CHCHD3: variants seen among roughly 807,000 people sequenced by gnomAD.
CHCHD3 encodes the protein coiled-coil-helix-coiled-coil-helix domain containing 3, also known as MICOS complex subunit MIC19.
In CHCHD3, 20 loss-of-function variants were observed where a neutral mutation model predicts 38.2. The ratio of observed to expected loss-of-function variants is 0.52; its 90% confidence interval spans 0.37 to 0.76. The LOEUF is 0.76. Among genes scored for constraint, CHCHD3 ranks in the 30% least tolerant of loss-of-function variants. CHCHD3 has a pLI of 0.00. For synonymous variants in CHCHD3, 82 were observed against 100.0 expected (o/e 0.82, Z 1.07); for missense variants, 245 against 279.2 (o/e 0.88, Z 0.87).
intron 2 of CHCHD3, among the ~76,000 whole-genome samples, chr7:133,061,082 T>C (rs1399729718): frequency 2.0e-5 from 3 of 151,784 alleles, no homozygotes; most frequent in Non-Finnish European, 4.4e-5. Flanking sequence ...GAGCAGGAGA[T>C]GGATTGTACA....
intron 4 of CHCHD3, among the ~76,000 whole-genome samples, chr7:132,932,335 A>G (rs1298058407): frequency 1.3e-5 from 2 of 152,260 alleles, no homozygotes; most frequent in Non-Finnish European, 2.9e-5. Context: ...AAAGAGCCTC[A>G]TGTAATGTGA....
intron 7 of CHCHD3, among the ~76,000 whole-genome samples, chr7:132,789,017 C>T (rs554059681): frequency 7.7e-4 from 118 of 152,272 alleles, no homozygotes; most frequent in Middle Eastern, 3.4e-3. Flanking sequence ...TCCAGCTATG[C>T]GACAAAACCT....
At chr7:132,893,302 C>T (rs1297808829) in intron 4 of CHCHD3, among the ~76,000 whole-genome samples, 2 of 152,158 alleles carry the variant, frequency 1.3e-5, no homozygotes, top group East Asian at 1.9e-4. Flanking sequence ...TTCAGACTTG[C>T]GTGGGGCCTG....
intron 7 of CHCHD3, among the ~76,000 whole-genome samples, chr7:132,792,204 C>T (rs1381597676): frequency 6.6e-6 from 1 of 152,160 alleles, no homozygotes; most frequent in Admixed American, 6.5e-5. Flanking sequence ...AGTCACACTT[C>T]CCATGGTACT....
At chr7:133,057,432 C>T (rs1392845452) in intron 2 of CHCHD3, among the ~76,000 whole-genome samples, 1 of 151,942 alleles carries the variant, frequency 6.6e-6, no homozygotes, top group East Asian at 1.9e-4. Context: ...GTGGGGGCAC[C>T]TGCCTGTAGT....
intron 7 of CHCHD3, 111 bp downstream of exon 7, chr7:132,796,331 G>T (rs917364082): frequency 6.8e-6 from 8 of 1,184,398 alleles, no homozygotes; most frequent in Non-Finnish European, 9.6e-6. Flanking sequence ...TGATGACTAG[G>T]GCTTAGAAAG....
chr7:133,033,749 C>T (rs1195226834), intron 2 of CHCHD3, among the ~76,000 whole-genome samples: 1 of 152,144 alleles, frequency 6.6e-6, no homozygotes, highest in Admixed American at 6.5e-5. Context: ...TAGCTCCATA[C>T]TCACCAAAAC....
intron 5 of CHCHD3, among the ~76,000 whole-genome samples, chr7:132,840,429 G>A (rs770929286): frequency 6.6e-6 from 1 of 152,136 alleles, no homozygotes; most frequent in Admixed American, 6.5e-5. Flanking sequence ...TAATACTTTT[G>A]CTTAGTTTAA....
intron 4 of CHCHD3, among the ~76,000 whole-genome samples, chr7:132,929,670 G>T (rs75176829): frequency 0.024 from 3,695 of 152,012 alleles, 76 homozygotes; most frequent in Non-Finnish European, 0.033. Flanking sequence ...ATCTAAAGCT[G>T]TCAATATCTT....
intron 4 of CHCHD3, among the ~76,000 whole-genome samples, chr7:132,909,082 ACTTTTC>A (rs1382839267): frequency 6.6e-6 from 1 of 151,976 alleles, no homozygotes; most frequent in Non-Finnish European, 1.5e-5. Context: ...TTTGTTTGGC[ACTTTTC>A]CTTCCTGCCA....
chr7:133,073,508 C>G (rs1458193770), intron 1 of CHCHD3, among the ~76,000 whole-genome samples: 1 of 152,176 alleles, frequency 6.6e-6, no homozygotes, highest in Non-Finnish European at 1.5e-5. Flanking sequence ...CAAAATTGAT[C>G]TCACGTTTGC....
At chr7:132,879,649 A>G (rs1808999566) in intron 5 of CHCHD3, among the ~76,000 whole-genome samples, 1 of 143,994 alleles carries the variant, frequency 6.9e-6, no homozygotes, top group African/African-American at 2.6e-5. Flanking sequence ...AAAAATACAC[A>G]TTTTCCTGAA....
chr7:133,037,060 G>T (rs1813700330), intron 2 of CHCHD3, among the ~76,000 whole-genome samples: 1 of 152,144 alleles, frequency 6.6e-6, no homozygotes, highest in African/African-American at 2.4e-5. Flanking sequence ...AAATGAATTT[G>T]ATCTGAGAGT....
At chr7:132,880,796 A>G (rs1585599536) in intron 5 of CHCHD3, among the ~76,000 whole-genome samples, 1 of 152,254 alleles carries the variant, frequency 6.6e-6, no homozygotes, top group East Asian at 1.9e-4. Context: ...CAATTATACA[A>G]CAAACAAAAA....
intron 3 of CHCHD3, among the ~76,000 whole-genome samples, chr7:132,996,747 G>T (rs1002442388): frequency 2.0e-5 from 3 of 152,196 alleles, no homozygotes; most frequent in African/African-American, 7.2e-5. Context: ...GCGGTGCGAT[G>T]CTGAGGGAGT....
rs1041736307 is a variant in CHCHD3, at chr7:132,846,551, C to T, written c.454-8082G>A. ...GACTTTTATAACTTACCACACTGTA[C>T]CAACATGTATTTCTGTGTGGTCCCC... On this transcript the variant is annotated intron_variant, in intron 5 of 7. Coordinates refer to ENST00000262570, the MANE Select transcript of CHCHD3 (RefSeq NM_017812.4). Among the ~76,000 whole-genome samples, 3 of 152,248 alleles carry T rather than the reference C, an allele frequency of 2.0e-5. No individual in the cohort carries two copies. The South Asian group carries it at 6.2e-4, about 31-fold the overall frequency.
intron 2 of CHCHD3, among the ~76,000 whole-genome samples, chr7:133,052,992 T>G (rs1375749254): frequency 6.6e-6 from 1 of 152,232 alleles, no homozygotes; most frequent in African/African-American, 2.4e-5. Flanking sequence ...GCATTCTGGA[T>G]CCCTTTGTTC....
chr7:132,857,116 G>GGT (rs1283891985), intron 5 of CHCHD3, among the ~76,000 whole-genome samples: 2 of 152,118 alleles, frequency 1.3e-5, no homozygotes, highest in African/African-American at 4.8e-5. Flanking sequence ...TAATACACAT[G>GGT]GTGCACTGTA....
At chr7:133,003,729 C>T (rs182336095) in intron 3 of CHCHD3, among the ~76,000 whole-genome samples, 200 of 152,314 alleles carry the variant, frequency 1.3e-3, no homozygotes, top group Middle Eastern at 3.4e-3. Flanking sequence ...AGTGATCTGC[C>T]ACCTTTCACT....
Sources: gnomAD v4.1 joint callset for allele counts (sites outside exome capture counted in the v4.1 genomes callset) on GRCh38, gnomAD v4.1.1 for gene constraint, MANE v1.5 for transcripts, NCBI Gene and HGNC (gene_info 2026-07-23, HGNC 2026-07-21) for gene names.